MTCL1: variants seen among roughly 807,000 people sequenced by gnomAD.
MTCL1 encodes microtubule crosslinking factor 1.
Under a neutral mutation model 141.4 loss-of-function variants are expected in MTCL1, and 79 were observed. The observed-to-expected ratio is 0.56, with a 90% CI of 0.47 to 0.67. The LOEUF is 0.67. Among genes scored for constraint, MTCL1 ranks in the 30% least tolerant of loss-of-function variants. MTCL1 has a pLI of 0.00. For missense variants in MTCL1, 2,177 were observed against 2,113.9 expected (o/e 1.03, Z -0.59); for synonymous variants, 914 against 875.8 (o/e 1.04, Z -0.77).
chr18:8,727,778 G>A (rs1303502310), intron 4 of MTCL1, among the ~76,000 whole-genome samples: 2 of 151,992 alleles, frequency 1.3e-5, no homozygotes, highest in African/African-American at 2.4e-5. Flanking sequence ...GCATATATAA[G>A]CATTGTGGCT....
At position 8,812,653 on chromosome 18, in the gene MTCL1, G is replaced by A. The variant is rs78624191; in HGVS notation, c.2605-326G>A. Among the ~76,000 whole-genome samples the A allele has an allele frequency of 3.5e-3, 527 of 152,254 alleles. 1 individual carries two copies. The highest frequency in any genetic ancestry group is 5.2e-3 in the Non-Finnish European group (352 of 68,032). ...TGTCCCATCCCTAGGTTCCATATAG[G>A]AGCTAAGGATATAGGGACGGACATG... is the stretch of plus-strand genomic sequence containing the variant. On this transcript the variant is annotated intron_variant, in intron 11 of 16. Transcript: ENST00000359865.
chr18:8,783,773 T>C, exon 6 of MTCL1: 1 of 1,613,096 alleles, frequency 6.2e-7, no homozygotes. Flanking sequence ...AGCCAACATC[T>C]TGGGCCGGAA....
intron 4 of MTCL1, among the ~76,000 whole-genome samples, chr18:8,754,409 C>T (rs2096387092): frequency 6.6e-6 from 1 of 152,160 alleles, no homozygotes. Context: ...AAAATAACCC[C>T]ATGTGTATAA....
intron 4 of MTCL1, among the ~76,000 whole-genome samples, chr18:8,768,720 C>G (rs939473630): frequency 1.3e-5 from 2 of 151,396 alleles, no homozygotes; most frequent in Non-Finnish European, 2.9e-5. Flanking sequence ...TAATTTGCCT[C>G]TCTTGATGGA....
At chr18:8,798,503 T>C (rs2076003676) in intron 10 of MTCL1, among the ~76,000 whole-genome samples, 1 of 152,330 alleles carries the variant, frequency 6.6e-6, no homozygotes, top group African/African-American at 2.4e-5. Flanking sequence ...GCCCACTCTT[T>C]CATTTGAGTT....
chr18:8,717,574 GAC>G (rs1319585981), intron 1 of MTCL1: 3 of 152,552 alleles, frequency 2.0e-5, no homozygotes, highest in Non-Finnish European at 2.9e-5. Context: ...CTGGGTGGGG[GAC>G]AGACTGTAGG....
intron 4 of MTCL1, among the ~76,000 whole-genome samples, chr18:8,730,932 A>G (rs2096246937): frequency 6.6e-6 from 1 of 152,146 alleles, no homozygotes; most frequent in Admixed American, 6.5e-5. Flanking sequence ...TGAAACAGAC[A>G]CTGTGCTTGC....
At chr18:8,730,517 A>G (rs2096244528) in intron 4 of MTCL1, among the ~76,000 whole-genome samples, 1 of 152,232 alleles carries the variant, frequency 6.6e-6, no homozygotes, top group Non-Finnish European at 1.5e-5. Flanking sequence ...TTTTTTGACA[A>G]TGACTGTGAG....
chr18:8,751,333 G>A (rs752597103), intron 4 of MTCL1, among the ~76,000 whole-genome samples: 5 of 152,148 alleles, frequency 3.3e-5, no homozygotes, highest in Non-Finnish European at 5.9e-5. Context: ...TTTTGCATGC[G>A]TAGACATTAA....
At chr18:8,788,852 A>G (rs2075616702) in intron 7 of MTCL1, among the ~76,000 whole-genome samples, 1 of 152,212 alleles carries the variant, frequency 6.6e-6, no homozygotes. Flanking sequence ...AAAACACTTC[A>G]GGACGAGTGT....
chr18:8,795,654 A>G (rs1209730198), intron 8 of MTCL1, among the ~76,000 whole-genome samples: 2 of 152,196 alleles, frequency 1.3e-5, no homozygotes, highest in Non-Finnish European at 2.9e-5. Flanking sequence ...GAAATAGGCT[A>G]TCAGACTCAC....
intron 7 of MTCL1, 55 bp from the exon 7 acceptor site, chr18:8,792,943 A>G (rs2075785656): frequency 6.2e-7 from 1 of 1,601,942 alleles, no homozygotes; most frequent in Admixed American, 1.7e-5. Flanking sequence ...CTGCGTCGTC[A>G]CCTCAGGCAG....
chr18:8,785,716 C>T (rs2143598366), intron 6 of MTCL1: 1 of 583,306 alleles, frequency 1.7e-6, no homozygotes. Flanking sequence ...CTTTGCTCAT[C>T]CTCATCTTGG....
chr18:8,788,141 G>A (rs932365276), intron 7 of MTCL1, among the ~76,000 whole-genome samples: 1 of 152,174 alleles, frequency 6.6e-6, no homozygotes, highest in African/African-American at 2.4e-5. Context: ...AGCCCGGCCA[G>A]AGACTCACAC....
chr18:8,708,002 A>T (rs2096067201), intron 1 of MTCL1, among the ~76,000 whole-genome samples: 1 of 152,240 alleles, frequency 6.6e-6, no homozygotes, highest in Admixed American at 6.5e-5. Flanking sequence ...TGGGACTTAA[A>T]GCAAGATATT....
At chr18:8,764,587 G>T (rs566261489) in intron 4 of MTCL1, among the ~76,000 whole-genome samples, 7 of 152,214 alleles carry the variant, frequency 4.6e-5, no homozygotes, top group African/African-American at 1.7e-4. Flanking sequence ...CAAAGTGCTG[G>T]GATTACAGAC....
chr18:8,763,113 T>C (rs1161634004), intron 4 of MTCL1, among the ~76,000 whole-genome samples: 1 of 152,236 alleles, frequency 6.6e-6, no homozygotes, highest in Non-Finnish European at 1.5e-5. Context: ...TCCTCATTGA[T>C]AACATGTCCC....
intron 9 of MTCL1, among the ~76,000 whole-genome samples, chr18:8,797,857 C>T (rs1332683038): frequency 1.3e-5 from 2 of 152,234 alleles, no homozygotes; most frequent in African/African-American, 2.4e-5. Context: ...AATTTAAAAG[C>T]AGTAGAATTA....
intron 4 of MTCL1, among the ~76,000 whole-genome samples, chr18:8,760,386 G>A (rs2096425505): frequency 6.6e-6 from 1 of 152,198 alleles, no homozygotes; most frequent in African/African-American, 2.4e-5. Context: ...AATATAAAAT[G>A]TTGGCTGTCT....
Sources: gnomAD v4.1 joint callset for allele counts (sites outside exome capture counted in the v4.1 genomes callset) on GRCh38, gnomAD v4.1.1 for gene constraint, MANE v1.5 for transcripts, NCBI Gene and HGNC (gene_info 2026-07-23, HGNC 2026-07-21) for gene names.